OR1L6: variants seen among roughly 807,000 people sequenced by gnomAD.
OR1L6 encodes olfactory receptor family 1 subfamily L member 6.
A neutral mutation model predicts 3.0 loss-of-function variants in OR1L6; 2 were observed. The observed-to-expected ratio is 0.68, with a 90% CI of 0.28 to 2.13. The LOEUF is 2.13. Among genes scored for constraint, OR1L6 ranks in the 30% most tolerant of loss-of-function variants. The probability of loss-of-function intolerance (pLI) is 0.14; values close to 1 mark genes in which losing one functional copy is unlikely to be tolerated. For synonymous variants in OR1L6, 121 were observed against 148.4 expected (o/e 0.82, Z 1.34); for missense variants, 304 against 378.4 (o/e 0.80, Z 1.63).
intron 1 of OR1L6, among the ~76,000 whole-genome samples, chr9:122,745,384 C>G (rs1456347597): frequency 7.2e-6 from 1 of 138,914 alleles, no homozygotes; most frequent in East Asian, 2.1e-4. Flanking sequence ...TTTTAAATTA[C>G]GAAATGACTA....
Position 122,749,991 on chromosome 9 carries a change from G to A in OR1L6, c.144G>A (p.Pro48=), listed in dbSNP as rs769805320. 17 of 1,614,014 alleles carry A rather than the reference G, an allele frequency of 1.1e-5. No homozygotes were observed. The highest frequency in any genetic ancestry group is 1.6e-4 in the Middle Eastern group (1 of 6,062). The change falls in exon 2 of 2, where the codon CCG becomes CCA. Residue 48 remains proline, a synonymous_variant. Coordinates refer to ENST00000304720, the MANE Select transcript of OR1L6 (RefSeq NM_001004453.3). ...LAAVGNVLII[P]AIYSDPRLHT... ...CGGTGGGGAATGTGCTCATCATCCC[G>A]GCCATCTACTCTGACCCCAGGCTCC... is the stretch of plus-strand genomic sequence containing the variant.
At chr9:122,743,798 G>C (rs984970178) in intron 1 of OR1L6, among the ~76,000 whole-genome samples, 1 of 152,208 alleles carries the variant, frequency 6.6e-6, no homozygotes, top group Non-Finnish European at 1.5e-5. Context: ...GCAGAAATGC[G>C]TGTAGGAAGG....
rs943103948 is a variant in OR1L6, at chr9:122,746,756, T to A, written c.-13-3079T>A. Among the ~76,000 whole-genome samples, 8 of 152,260 alleles carry A rather than the reference T, an allele frequency of 5.3e-5. No homozygotes were observed. In the South Asian group the frequency reaches 1.0e-3, roughly 20 times the overall value. ...TTCCCTTTGTATAATGTCAAAAAAA[T>A]TTGCATAAAACTGATGAGTGAGAAT... On this transcript the variant is annotated intron_variant, in intron 1 of 1. Transcript: ENST00000304720.
Position 122,750,211 on chromosome 9 carries a change from G to C in OR1L6, c.364G>C (p.Asp122His), listed in dbSNP as rs745819710. Residue 122 changes from aspartate (D) to histidine (H), a missense_variant, in exon 2 of 2, where the codon GAC becomes CAC. By Grantham distance (81) the Asp-to-His change is moderately conservative. Around this residue, in one of 3 missense-constraint regions of OR1L6, gnomAD observed 192 missense variants for 242.7 expected, o/e 0.79. Coordinates refer to ENST00000304720, the MANE Select transcript of OR1L6 (RefSeq NM_001004453.3). ...CTACCTGCTGGCCTCTATGGCCATCGACCGGCTGGTGGCCATCTGCAACCC... is the reference window on the plus strand; with the variant it reads ...CTACCTGCTGGCCTCTATGGCCATCCACCGGCTGGTGGCCATCTGCAACCC... ...DSYLLASMAI[D>H]RLVAICNPLH... The C allele has an allele frequency of 1.2e-6, 2 of 1,613,898 alleles. No homozygotes were observed. The highest frequency in any genetic ancestry group is 1.7e-6 in the Non-Finnish European group (2 of 1,179,976).
intron 1 of OR1L6, among the ~76,000 whole-genome samples, chr9:122,749,542 C>G (rs1347036056): frequency 6.6e-6 from 1 of 152,040 alleles, no homozygotes; most frequent in Admixed American, 6.6e-5. Context: ...CCCGTCTCTA[C>G]TAAAAATACA....
intron 1 of OR1L6, among the ~76,000 whole-genome samples, chr9:122,745,406 A>AT (rs1828826530): frequency 3.5e-5 from 3 of 86,530 alleles, no homozygotes; most frequent in Non-Finnish European, 6.5e-5. Flanking sequence ...AAATAAACAC[A>AT]CCTTTTTTTT....
At chr9:122,743,688 T>C (rs1164308190) in intron 1 of OR1L6, among the ~76,000 whole-genome samples, 1 of 152,230 alleles carries the variant, frequency 6.6e-6, no homozygotes, top group East Asian at 1.9e-4. Context: ...CAGAGGGCTG[T>C]TGTTTATTCA....
At chr9:122,748,786 T>C (rs1828860974) in intron 1 of OR1L6, among the ~76,000 whole-genome samples, 1 of 152,210 alleles carries the variant, frequency 6.6e-6, no homozygotes, top group African/African-American at 2.4e-5. Flanking sequence ...ACATGTGATA[T>C]TAGTGTTTTC....
chr9:122,746,206 C>A (rs1461644708), intron 1 of OR1L6, among the ~76,000 whole-genome samples: 1 of 152,156 alleles, frequency 6.6e-6, no homozygotes, highest in Non-Finnish European at 1.5e-5. Context: ...AATTCAAATT[C>A]CAGCTCTACC....
rs143424406 is a variant in OR1L6, at chr9:122,749,962, G to A, written c.115G>A (p.Ala39Thr). The change falls in exon 2 of 2, where the codon GCT becomes ACT. Residue 39 changes from alanine (A) to threonine (T), a missense_variant. Ala to Thr is a moderately conservative substitution (Grantham distance 58). Transcript: ENST00000304720. ...FAIFLIMYLL[A>T]AVGNVLIIPA... ...CATCTTCCTCATCATGTACCTGCTC[G>A]CTGCGGTGGGGAATGTGCTCATCAT... 8.4e-5 allele frequency: 135 copies of A among 1,613,970 alleles called. No homozygotes were observed. Among genetic ancestry groups the A allele is most frequent in the Admixed American group, 2.5e-4 (15 of 60,006 alleles).
chr9:122,743,336 G>A (rs1395570194), intron 1 of OR1L6, among the ~76,000 whole-genome samples: 4 of 152,140 alleles, frequency 2.6e-5, no homozygotes, highest in African/African-American at 7.2e-5. Flanking sequence ...TTGATCTGAG[G>A]GACCTACAGT....
At chr9:122,748,412 A>AG (rs1043411402) in intron 1 of OR1L6, among the ~76,000 whole-genome samples, 7 of 152,112 alleles carry the variant, frequency 4.6e-5, no homozygotes, top group African/African-American at 1.7e-4. Flanking sequence ...AAAAAAAAAA[A>AG]GAAGCTAAGA....
rs1828874425 is a variant in OR1L6, at chr9:122,750,012, G to C, written c.165G>C (p.Arg55Ser). Residue 55 changes from arginine (R) to serine (S), a missense_variant, in exon 2 of 2, where the codon AGG becomes AGC. By Grantham distance (110) the Arg-to-Ser change is moderately radical (BLOSUM62 -1). Coordinates refer to ENST00000304720, the MANE Select transcript of OR1L6 (RefSeq NM_001004453.3). ...TCCCGGCCATCTACTCTGACCCCAGGCTCCACACCCCTATGTACTTTTTTC... is the reference window on the plus strand; with the variant it reads ...TCCCGGCCATCTACTCTGACCCCAGCCTCCACACCCCTATGTACTTTTTTC... ...LIIPAIYSDPRLHTPMYFFLS... is the reference protein window; with the variant it reads ...LIIPAIYSDPSLHTPMYFFLS... The C allele has an allele frequency of 6.2e-7, 1 of 1,613,972 alleles. No individual in the cohort carries two copies. Among genetic ancestry groups the C allele is most frequent in the African/African-American group, 1.3e-5 (1 of 74,888 alleles).
chr9:122,746,546 G>A (rs1828839235), intron 1 of OR1L6, among the ~76,000 whole-genome samples: 1 of 152,098 alleles, frequency 6.6e-6, no homozygotes, highest in South Asian at 2.1e-4. Flanking sequence ...GTTTGCTATT[G>A]TAAGCAACAT....
intron 1 of OR1L6, among the ~76,000 whole-genome samples, chr9:122,749,269 G>A (rs114350664): frequency 6.6e-6 from 1 of 151,984 alleles, no homozygotes; most frequent in African/African-American, 2.4e-5. Context: ...TTTTAGAATC[G>A]CTTTTTTCTA....
chr9:122,747,777 A>T (rs916464760), intron 1 of OR1L6, among the ~76,000 whole-genome samples: 1 of 151,626 alleles, frequency 6.6e-6, no homozygotes, highest in Non-Finnish European at 1.5e-5. Context: ...ATAGATTTTA[A>T]ATTTTTTCAG....
chr9:122,748,578 G>A (rs556592442), intron 1 of OR1L6, among the ~76,000 whole-genome samples: 1 of 152,250 alleles, frequency 6.6e-6, no homozygotes, highest in Admixed American at 6.5e-5. Flanking sequence ...TTTGTTACAT[G>A]AATACATTGT....
chr9:122,746,714 TATA>T (rs1828840707), intron 1 of OR1L6, among the ~76,000 whole-genome samples: 1 of 152,224 alleles, frequency 6.6e-6, no homozygotes, highest in Non-Finnish European at 1.5e-5. Flanking sequence ...TTACTGCTAG[TATA>T]CATGAGGATC....
In OR1L6 at chr9:122,750,100, A is replaced by G. The variant is rs552284933; in HGVS notation, c.253A>G (p.Asn85Asp). The change falls in exon 2 of 2, where the codon AAT becomes GAT. Residue 85 changes from asparagine (N) to aspartate (D), a missense_variant. By Grantham distance (23) the Asn-to-Asp change is conservative. Transcript: ENST00000304720. The stretch of plus-strand genomic sequence containing the variant: ...AGTCATAGTGCCTAAGATGCTGGTG[A>G]ATTTTCTATCAGAGACAAAGGTTAT... ...TTVIVPKMLV[N>D]FLSETKVISY... 1 of 1,614,042 alleles carries G rather than the reference A, an allele frequency of 6.2e-7. No individual in the cohort carries two copies. The highest frequency in any genetic ancestry group is 1.7e-5 in the Admixed American group (1 of 59,992).
Sources: allele counts gnomAD v4.1 joint callset (sites outside exome capture counted in the v4.1 genomes callset), GRCh38; gene constraint gnomAD v4.1.1; regional missense constraint gnomAD v4.1.1; transcripts MANE v1.5; gene names NCBI Gene and HGNC (gene_info 2026-07-23, HGNC 2026-07-21).